Variants in SCRG1 observed in about 807,000 individuals in gnomAD.
SCRG1 encodes the protein scrapie-responsive protein 1.
In SCRG1, 3 loss-of-function variants were observed where a neutral mutation model predicts 7.7. That is an observed-to-expected ratio of 0.39 (90% CI 0.18 to 1.01). The LOEUF (loss-of-function observed/expected upper bound fraction) is 1.01. Ranked by LOEUF, SCRG1 falls within the 50% of genes least tolerant of loss-of-function variation. SCRG1 has a pLI of 0.36. For synonymous variants in SCRG1, 46 were observed against 41.2 expected (o/e 1.12, Z -0.44); for missense variants, 110 against 117.2 (o/e 0.94, Z 0.28).
At chr4:173,483,026 GTAATATATTTCATGTATATTTTATATA>G in the SCRG1 span, among the ~76,000 whole-genome samples, 1 of 121,488 alleles carries the variant, frequency 8.2e-6, no homozygotes, top group African/African-American at 3.2e-5. Context: ...TAATTTATAT[GTAATATATTTCATGTATATTTTATATA>G]TAATATATTT....
At position 173,388,333 on chromosome 4, in the gene SCRG1, G is replaced by T; in HGVS notation, c.*8C>A. 1 of 1,606,884 alleles carries T rather than the reference G, an allele frequency of 6.2e-7. No individual in the cohort carries two copies. The highest frequency in any genetic ancestry group is 8.5e-7 in the Non-Finnish European group (1 of 1,174,290). On this transcript the variant is annotated 3_prime_UTR_variant, in exon 3 of 3. Transcript: ENST00000296506. Reference sequence around the variant, plus strand: ...AGGAATGGTGTTCTCCAGAATACATGAAGATTCTCATTGATTGTTGCAAGG... The same window carrying T: ...AGGAATGGTGTTCTCCAGAATACATTAAGATTCTCATTGATTGTTGCAAGG...
chr4:173,412,774 C>T, the SCRG1 span, among the ~76,000 whole-genome samples: 1 of 152,148 alleles, frequency 6.6e-6, no homozygotes, highest in Non-Finnish European at 1.5e-5. Context: ...GCTTTGATTC[C>T]AAGTGGCTTA....
chr4:173,450,569 T>C, the SCRG1 span, among the ~76,000 whole-genome samples: 1 of 152,184 alleles, frequency 6.6e-6, no homozygotes, highest in African/African-American at 2.4e-5. Flanking sequence ...ACTTTGCCTC[T>C]TTGGCTTTTA....
chr4:173,484,848 T>G, the SCRG1 span, among the ~76,000 whole-genome samples: 3 of 83,780 alleles, frequency 3.6e-5, no homozygotes, highest in African/African-American at 5.0e-5. Context: ...ATATATTATA[T>G]ATAATATATA....
the SCRG1 span, among the ~76,000 whole-genome samples, chr4:173,480,270 G>A: frequency 6.6e-6 from 1 of 152,040 alleles, no homozygotes; most frequent in Non-Finnish European, 1.5e-5. Flanking sequence ...TTTAAAGAAA[G>A]AATCAAAAAG....
At chr4:173,468,298 A>T in the SCRG1 span, 3 of 152,314 alleles carry the variant, frequency 2.0e-5, no homozygotes, top group East Asian at 5.8e-4. Context: ...TACAGGCTAT[A>T]CTATATAGCC....
At chr4:173,488,579 C>G in the SCRG1 span, among the ~76,000 whole-genome samples, 1 of 152,172 alleles carries the variant, frequency 6.6e-6, no homozygotes, top group African/African-American at 2.4e-5. Flanking sequence ...GAGGTATGGT[C>G]TGCAGAATCC....
At chr4:173,470,397 G>A in the SCRG1 span, among the ~76,000 whole-genome samples, 41 of 152,178 alleles carry the variant, frequency 2.7e-4, no homozygotes, top group African/African-American at 9.6e-4. Flanking sequence ...GACTGAGACC[G>A]GCTCACAGGT....
intron 2 of SCRG1, among the ~76,000 whole-genome samples, chr4:173,390,808 A>G (rs1042801139): frequency 6.6e-6 from 1 of 152,114 alleles, no homozygotes; most frequent in Non-Finnish European, 1.5e-5. Flanking sequence ...TCTTTTATCT[A>G]AAACCTTTTA....
At chr4:173,452,427 A>G in the SCRG1 span, among the ~76,000 whole-genome samples, 1 of 152,286 alleles carries the variant, frequency 6.6e-6, no homozygotes, top group African/African-American at 2.4e-5. Context: ...GAAAATCCAC[A>G]TACAAGTGGA....
At chr4:173,460,708 G>A in the SCRG1 span, among the ~76,000 whole-genome samples, 8 of 152,328 alleles carry the variant, frequency 5.3e-5, no homozygotes, top group Admixed American at 2.0e-4. Flanking sequence ...CCTCTGAGAC[G>A]TGCTGGCTTC....
chr4:173,387,005 AG>A lies in SCRG1; in HGVS notation c.*1335del, dbSNP rs1455873152. On this transcript the variant is annotated 3_prime_UTR_variant, in exon 3 of 3. Transcript: ENST00000296506. ...TCTTAAGTTATGGGGCATAATCCAAAGCTGTCTCCTCTAACAATCAGAAAAT... is the reference window on the plus strand; with the variant it reads ...TCTTAAGTTATGGGGCATAATCCAAACTGTCTCCTCTAACAATCAGAAAAT... 1 of 152,208 alleles carries A rather than the reference AG, an allele frequency of 6.6e-6. No individual in the cohort carries two copies. The highest frequency in any genetic ancestry group is 1.5e-5 in the Non-Finnish European group (1 of 68,024). The allele number at this position is 152,208 out of a possible 1,614,324, so 9.4% of individuals were successfully genotyped here.
At chr4:173,507,174 G>T in the SCRG1 span, among the ~76,000 whole-genome samples, 1 of 152,130 alleles carries the variant, frequency 6.6e-6, no homozygotes, top group African/African-American at 2.4e-5. This position sits in a 1 kb window ranked among gnomAD's most constrained non-coding sequence, Gnocchi z 4.4. Flanking sequence ...CTTGCACAAG[G>T]TCCGGAGCAT....
At chr4:173,495,770 A>G in the SCRG1 span, among the ~76,000 whole-genome samples, 2 of 152,256 alleles carry the variant, frequency 1.3e-5, no homozygotes, top group African/African-American at 4.8e-5. Flanking sequence ...CATATCATGG[A>G]CAATTACTGT....
At chr4:173,415,914 C>A in the SCRG1 span, among the ~76,000 whole-genome samples, 1 of 152,154 alleles carries the variant, frequency 6.6e-6, no homozygotes, top group Non-Finnish European at 1.5e-5. Flanking sequence ...AAAGCACCAC[C>A]AATAAAATCA....
chr4:173,391,072 TA>T, intron 2 of SCRG1, 100 bp downstream of exon 2: 1 of 1,239,360 alleles, frequency 8.1e-7, no homozygotes, highest in Non-Finnish European at 1.2e-6. Context: ...AGGATTTTAC[TA>T]AAAGGGTTAT....
chr4:173,462,809 A>G, the SCRG1 span, among the ~76,000 whole-genome samples: 1 of 152,218 alleles, frequency 6.6e-6, no homozygotes, highest in Non-Finnish European at 1.5e-5. Flanking sequence ...AAAAAGTGAG[A>G]GATGAAATTA....
the SCRG1 span, among the ~76,000 whole-genome samples, chr4:173,496,330 A>C: frequency 6.6e-6 from 1 of 152,144 alleles, no homozygotes; most frequent in African/African-American, 2.4e-5. Context: ...CTTTGAAAAA[A>C]AAAAGAGAGG....
chr4:173,397,878 C>T (rs778387392), intron 1 of SCRG1, among the ~76,000 whole-genome samples: 1 of 152,104 alleles, frequency 6.6e-6, no homozygotes, highest in African/African-American at 2.4e-5. Flanking sequence ...AGTCCATTTT[C>T]GGATTGCTTT....
Sources: gnomAD v4.1 joint callset for allele counts (sites outside exome capture counted in the v4.1 genomes callset) on GRCh38, gnomAD v4.1.1 for gene constraint, Gnocchi (gnomAD v3.1) non-coding constraint, MANE v1.5 for transcripts, NCBI Gene and HGNC (gene_info 2026-07-23, HGNC 2026-07-21) for gene names.